The following JMJD1C variants were observed in gnomAD, a reference collection of about 807,000 sequenced individuals.
JMJD1C encodes the protein jumonji domain containing 1C, also known as jumonji domain-containing protein 1C.
JMJD1C carries 31 observed loss-of-function variants against 245.3 expected under a neutral mutation model. The ratio of observed to expected loss-of-function variants is 0.13; its 90% confidence interval spans 0.09 to 0.17. The LOEUF is 0.17. Among genes scored for constraint, JMJD1C ranks in the 10% least tolerant of loss-of-function variants. The probability of loss-of-function intolerance (pLI) is 1.00; values close to 1 mark genes in which losing one functional copy is unlikely to be tolerated. For synonymous variants in JMJD1C, 1,057 were observed against 1,017.4 expected (o/e 1.04, Z -0.74); for missense variants, 2,691 against 3,000.2 (o/e 0.90, Z 2.41).
chr10:63,209,267 A>G, intron 8 of JMJD1C, 32 bp from the exon 9 acceptor site: 3 of 1,563,232 alleles, frequency 1.9e-6, no homozygotes, highest in Non-Finnish European at 2.6e-6. Flanking sequence ...AAAAACACCT[A>G]GATTTCAGTT....
intron 11 of JMJD1C, 152 bp downstream of exon 11, chr10:63,200,324 A>G (rs1845879779): frequency 1.6e-6 from 1 of 633,676 alleles, no homozygotes; most frequent in Non-Finnish European, 2.7e-6. Flanking sequence ...ATTTAGCACG[A>G]AAACATTTAA....
chr10:63,292,311 T>TA (rs1046287574), intron 2 of JMJD1C, among the ~76,000 whole-genome samples: 1 of 151,858 alleles, frequency 6.6e-6, no homozygotes, highest in Non-Finnish European at 1.5e-5. Context: ...AGGCTTGTTT[T>TA]AAAGAATTTT....
At chr10:63,417,662 C>T (rs1443733291) in intron 1 of JMJD1C, among the ~76,000 whole-genome samples, 1 of 152,134 alleles carries the variant, frequency 6.6e-6, no homozygotes. Flanking sequence ...TGGATGGATA[C>T]AACTGTCTCT....
chr10:63,199,441 CATT>C, intron 11 of JMJD1C, among the ~76,000 whole-genome samples: 1 of 152,132 alleles, frequency 6.6e-6, no homozygotes, highest in South Asian at 2.1e-4. Flanking sequence ...TGAACAGCAA[CATT>C]TCTTTTATCC....
intron 1 of JMJD1C, among the ~76,000 whole-genome samples, chr10:63,381,851 A>T (rs1947243937): frequency 6.6e-6 from 1 of 152,192 alleles, no homozygotes; most frequent in African/African-American, 2.4e-5. Context: ...ATTATCTTCT[A>T]AATGTACACT....
chr10:63,351,919 T>C (rs531195011), intron 2 of JMJD1C, among the ~76,000 whole-genome samples: 12 of 152,332 alleles, frequency 7.9e-5, no homozygotes, highest in East Asian at 1.9e-4. Flanking sequence ...AGGCCATCAG[T>C]GCCATCTCCC....
chr10:63,440,340 GAAA>G (rs199670163), intron 1 of JMJD1C, among the ~76,000 whole-genome samples: 1,563 of 89,672 alleles, frequency 0.017, 12 homozygotes, highest in East Asian at 0.062. Context: ...TGTCTCAAAA[GAAA>G]AAAAAAAAAA....
intron 2 of JMJD1C, among the ~76,000 whole-genome samples, chr10:63,333,728 T>C (rs1208550080): frequency 6.6e-6 from 1 of 152,186 alleles, no homozygotes; most frequent in Non-Finnish European, 1.5e-5. Context: ...CACATAATTA[T>C]TCTTCTGTAA....
At chr10:63,245,340 C>T (rs983700061) in intron 3 of JMJD1C, among the ~76,000 whole-genome samples, 1 of 151,752 alleles carries the variant, frequency 6.6e-6, no homozygotes, top group African/African-American at 2.4e-5. Flanking sequence ...GGGCAATTTA[C>T]AAAAGAAAAA....
chr10:63,211,026 A>T (rs1201532396), intron 8 of JMJD1C, among the ~76,000 whole-genome samples: 1 of 152,230 alleles, frequency 6.6e-6, no homozygotes, highest in Non-Finnish European at 1.5e-5. Context: ...GTGAGACTTC[A>T]TTAAAGGCCA....
intron 3 of JMJD1C, among the ~76,000 whole-genome samples, chr10:63,227,752 C>T (rs1358396249): frequency 6.6e-6 from 1 of 152,112 alleles, no homozygotes; most frequent in African/African-American, 2.4e-5. Context: ...TCCTGAACAT[C>T]AGATTAGGTG....
chr10:63,489,216 A>C (rs949461657), intron 1 of JMJD1C, among the ~76,000 whole-genome samples: 6 of 152,168 alleles, frequency 3.9e-5, no homozygotes, highest in Non-Finnish European at 7.4e-5. Context: ...CCTGGCCAAA[A>C]TGGCGATACC....
intron 2 of JMJD1C, among the ~76,000 whole-genome samples, chr10:63,319,646 A>G (rs1940601543): frequency 6.6e-6 from 1 of 151,806 alleles, no homozygotes; most frequent in Admixed American, 6.6e-5. Context: ...ATAGCTGTCA[A>G]TTTTTCTTTT....
intron 1 of JMJD1C, chr10:63,521,601 G>T: frequency 7.2e-7 from 1 of 1,396,892 alleles, no homozygotes. Context: ...ACTGCGCCCT[G>T]CAGCCGGCGC....
chr10:63,384,798 A>G (rs1366866550), intron 1 of JMJD1C, among the ~76,000 whole-genome samples: 1 of 152,308 alleles, frequency 6.6e-6, no homozygotes, highest in African/African-American at 2.4e-5. Flanking sequence ...GCTTCTCCAT[A>G]TCAGCAATAA....
chr10:63,320,324 T>C (rs1461149121), intron 2 of JMJD1C, among the ~76,000 whole-genome samples: 1 of 152,242 alleles, frequency 6.6e-6, no homozygotes, highest in African/African-American at 2.4e-5. Context: ...ATATTCATCA[T>C]TTGTCTAATC....
intron 1 of JMJD1C, among the ~76,000 whole-genome samples, chr10:63,454,729 C>A (rs1952298790): frequency 6.6e-6 from 1 of 152,212 alleles, no homozygotes; most frequent in African/African-American, 2.4e-5. Flanking sequence ...CTGCACCTAG[C>A]CTGATTTTTC....
At chr10:63,408,689 C>G (rs1417211088) in intron 1 of JMJD1C, among the ~76,000 whole-genome samples, 1 of 150,174 alleles carries the variant, frequency 6.7e-6, no homozygotes, top group Non-Finnish European at 1.5e-5. Context: ...AACGGGCCAT[C>G]AAGTATATCC....
chr10:63,204,239 G>C, intron 10 of JMJD1C: 1 of 984,826 alleles, frequency 1.0e-6, no homozygotes, highest in Non-Finnish European at 1.2e-6. Flanking sequence ...CTTTGGACTT[G>C]GTGAACAAAT....
Sources: gnomAD v4.1 joint callset for allele counts (sites outside exome capture counted in the v4.1 genomes callset) on GRCh38, gnomAD v4.1.1 for gene constraint, MANE v1.5 for transcripts, NCBI Gene and HGNC (gene_info 2026-07-23, HGNC 2026-07-21) for gene names.